ENTREP2: variants seen among roughly 807,000 people sequenced by gnomAD.
The protein encoded by ENTREP2 is protein ENTREP2.
the ENTREP2 span, among the ~76,000 whole-genome samples, chr15:29,300,454 GT>G: frequency 0.16 from 24,338 of 151,514 alleles, 3,296 homozygotes; most frequent in African/African-American, 0.38. Flanking sequence ...ATGGATGGAT[GT>G]TGAGGCATGG....
At chr15:29,289,462 G>A in the ENTREP2 span, among the ~76,000 whole-genome samples, 1 of 152,180 alleles carries the variant, frequency 6.6e-6, no homozygotes, top group African/African-American at 2.4e-5. Context: ...AATGTAAGCT[G>A]GACCAACCAC....
At chr15:29,366,819 C>A in the ENTREP2 span, among the ~76,000 whole-genome samples, 2 of 152,186 alleles carry the variant, frequency 1.3e-5, no homozygotes, top group African/African-American at 2.4e-5. Context: ...TAGAAAAACA[C>A]TCCAAGATGA....
At chr15:29,268,751 T>C in the ENTREP2 span, 1 of 1,558,436 alleles carries the variant, frequency 6.4e-7, no homozygotes, top group South Asian at 1.2e-5. Flanking sequence ...TGCCTTTGGG[T>C]CTCAGACCCT....
chr15:29,647,111 T>A, the ENTREP2 span, among the ~76,000 whole-genome samples: 2 of 152,218 alleles, frequency 1.3e-5, no homozygotes, highest in Non-Finnish European at 2.9e-5. Flanking sequence ...TACACTTGAC[T>A]TTCCTAAACT....
chr15:29,447,136 T>G, the ENTREP2 span, among the ~76,000 whole-genome samples: 1 of 152,208 alleles, frequency 6.6e-6, no homozygotes, highest in South Asian at 2.1e-4. Context: ...CTTTTGTTAT[T>G]TAAAACACAA....
the ENTREP2 span, among the ~76,000 whole-genome samples, chr15:29,205,387 A>C: frequency 1.3e-5 from 2 of 152,188 alleles, no homozygotes; most frequent in African/African-American, 4.8e-5. Context: ...TGATTTAAGA[A>C]AATGTCATAA....
the ENTREP2 span, among the ~76,000 whole-genome samples, chr15:29,257,043 ATTAT>A: frequency 0.35 from 49,174 of 140,880 alleles, 8,939 homozygotes; most frequent in East Asian, 0.66. Flanking sequence ...TTATTTTTTT[ATTAT>A]TTATTTATTT....
chr15:29,597,170 T>C, the ENTREP2 span, among the ~76,000 whole-genome samples: 1 of 152,176 alleles, frequency 6.6e-6, no homozygotes, highest in Non-Finnish European at 1.5e-5. Context: ...ATCTGTTTAT[T>C]GTCTCTGTCG....
At chr15:29,150,643 G>A in the ENTREP2 span, among the ~76,000 whole-genome samples, 2 of 152,180 alleles carry the variant, frequency 1.3e-5, no homozygotes, top group Non-Finnish European at 1.5e-5. Context: ...GCCTGGCTGT[G>A]ACAGCTGTGT....
the ENTREP2 span, among the ~76,000 whole-genome samples, chr15:29,129,584 G>A: frequency 6.6e-6 from 1 of 152,202 alleles, no homozygotes; most frequent in Non-Finnish European, 1.5e-5. Flanking sequence ...CTGGGGTTAA[G>A]CGATCCTCAG....
chr15:29,264,906 CTGTT>C, the ENTREP2 span: 6 of 152,270 alleles, frequency 3.9e-5, no homozygotes, highest in Non-Finnish European at 7.4e-5. Context: ...TTATCAACAA[CTGTT>C]TGTCTCCAAA....
chr15:29,436,706 A>G, the ENTREP2 span, among the ~76,000 whole-genome samples: 2 of 152,222 alleles, frequency 1.3e-5, no homozygotes, highest in African/African-American at 4.8e-5. Context: ...AATGAAATGC[A>G]TTCGGAAGCT....
chr15:29,170,551 A>T, the ENTREP2 span, among the ~76,000 whole-genome samples: 3 of 152,126 alleles, frequency 2.0e-5, no homozygotes, highest in African/African-American at 7.2e-5. Context: ...TATAAATCCA[A>T]TGGAATTCCA....
the ENTREP2 span, among the ~76,000 whole-genome samples, chr15:29,474,135 A>G: frequency 5.1e-3 from 776 of 152,304 alleles, 8 homozygotes; most frequent in African/African-American, 0.018. Flanking sequence ...AGAGGCCCTC[A>G]TTGTATAAAG....
the ENTREP2 span, among the ~76,000 whole-genome samples, chr15:29,471,562 G>T: frequency 1.3e-5 from 2 of 152,198 alleles, no homozygotes; most frequent in African/African-American, 2.4e-5. Context: ...TAGGAATAAA[G>T]GGAGTAGCAA....
the ENTREP2 span, chr15:29,195,224 C>T: frequency 2.0e-6 from 2 of 985,364 alleles, no homozygotes; most frequent in Non-Finnish European, 2.4e-6. Flanking sequence ...ACCATTCCTC[C>T]GTGCAAAACA....
the ENTREP2 span, among the ~76,000 whole-genome samples, chr15:29,224,449 C>T: frequency 4.6e-5 from 7 of 152,182 alleles, no homozygotes; most frequent in Admixed American, 3.9e-4. Flanking sequence ...TGGCCCCACC[C>T]ACATCCTGCT....
the ENTREP2 span, among the ~76,000 whole-genome samples, chr15:29,507,445 A>G: frequency 6.6e-6 from 1 of 152,214 alleles, no homozygotes; most frequent in East Asian, 1.9e-4. Flanking sequence ...CCAAATCAAC[A>G]GAGTATACAT....
At chr15:29,667,747 C>T in the ENTREP2 span, among the ~76,000 whole-genome samples, 1 of 151,916 alleles carries the variant, frequency 6.6e-6, no homozygotes, top group East Asian at 1.9e-4. Flanking sequence ...CCACCCACCT[C>T]GGCCTCCCAA....
Sources: gnomAD v4.1 joint callset for allele counts (sites outside exome capture counted in the v4.1 genomes callset) on GRCh38, gnomAD v4.1.1 for gene constraint, MANE v1.5 for transcripts, NCBI Gene and HGNC (gene_info 2026-07-23, HGNC 2026-07-21) for gene names.